The following ABTB2 variants were observed in gnomAD, a reference collection of about 807,000 sequenced individuals.
The protein encoded by ABTB2 is ankyrin repeat and BTB/POZ domain-containing protein 2.
Under a neutral mutation model 104.1 loss-of-function variants are expected in ABTB2, and 56 were observed. The observed-to-expected ratio is 0.54, with a 90% CI of 0.43 to 0.67. The LOEUF (loss-of-function observed/expected upper bound fraction) is 0.67. ABTB2 is among the 30% of genes least tolerant of loss of function. The pLI, the probability that ABTB2 is intolerant of heterozygous loss-of-function variation, is 0.00. For missense variants in ABTB2, 1,279 were observed against 1,407.7 expected, an observed-to-expected ratio of 0.91 and a Z score of 1.46; for synonymous variants, 606 against 608.2, an observed-to-expected ratio of 1.00 and a Z score of 0.05.
intron 1 of ABTB2, among the ~76,000 whole-genome samples, chr11:34,266,159 C>T (rs530390151): frequency 1.4e-3 from 207 of 152,240 alleles, no homozygotes; most frequent in African/African-American, 4.7e-3. Context: ...CATAGCTCAT[C>T]GTAACCTCAA....
intron 1 of ABTB2, among the ~76,000 whole-genome samples, chr11:34,354,459 A>G (rs994031678): frequency 1.5e-5 from 2 of 133,722 alleles, no homozygotes; most frequent in Non-Finnish European, 1.5e-5. Flanking sequence ...CCCTGTCTCT[A>G]TTTAAAAAAA....
intron 1 of ABTB2, among the ~76,000 whole-genome samples, chr11:34,273,116 T>G (rs999142087): frequency 6.6e-6 from 1 of 152,124 alleles, no homozygotes; most frequent in Non-Finnish European, 1.5e-5. Flanking sequence ...TTTTTTAAAT[T>G]TTTTGTTATA....
chr11:34,160,462 G>T, intron 11 of ABTB2, 109 bp from the exon 12 acceptor site: 1 of 743,726 alleles, frequency 1.3e-6, no homozygotes, highest in Non-Finnish European at 2.3e-6. Context: ...TAGTGCAGCC[G>T]CTATCTTTTG....
chr11:34,165,379 G>C, intron 7 of ABTB2, 23 bp from the exon 8 acceptor site: 1 of 1,570,134 alleles, frequency 6.4e-7, no homozygotes, highest in East Asian at 2.4e-5. Flanking sequence ...CAGAGGAGGA[G>C]GGCACTGCTC....
chr11:34,191,744 G>C (rs1238555722), intron 3 of ABTB2, among the ~76,000 whole-genome samples: 1 of 152,158 alleles, frequency 6.6e-6, no homozygotes, highest in African/African-American at 2.4e-5. Flanking sequence ...CTGCACCAAT[G>C]GGGGCAGGAC....
Position 34,159,326 on chromosome 11 carries a change from C to T in ABTB2, c.2667G>A (p.Glu889=). The part of the protein sequence containing the change: ...EQDGDSSKTI[E]ISDMKYHIFQ... ...AAATGTGGTACTTCATGTCGCTGAT[C>T]TCGATGGTCTTGCTGCTGTCCCCAT... The change falls in exon 14 of 17, where the codon GAG becomes GAA. Residue 889 remains glutamate, a synonymous_variant. Coordinates refer to ENST00000435224, the MANE Select transcript of ABTB2 (RefSeq NM_145804.3). 1 of 1,614,026 alleles carries T rather than the reference C, an allele frequency of 6.2e-7. No individual in the cohort carries two copies.
chr11:34,241,821 G>A (rs1391251709), intron 1 of ABTB2, among the ~76,000 whole-genome samples: 1 of 152,188 alleles, frequency 6.6e-6, no homozygotes. Flanking sequence ...ACATGTAAAT[G>A]TTTCCCCCCT....
At position 34,275,090 on chromosome 11, in the gene ABTB2, A is replaced by G. The variant is rs558329566; in HGVS notation, c.884-70400T>C. Among the ~76,000 whole-genome samples the G allele has an allele frequency of 2.1e-3, 327 of 152,224 alleles. 1 individual carries two copies. Among genetic ancestry groups the G allele is most frequent in the African/African-American group, 7.5e-3 (311 of 41,528 alleles). ...TCATTCAGCTCCCTGCATCTTGACT[A>G]TTTCTGAGGTAAACTGTGGGGACCT... On this transcript the variant is annotated intron_variant, in intron 1 of 16. Transcript: ENST00000435224.
At chr11:34,186,003 G>T (rs1023191982) in intron 3 of ABTB2, among the ~76,000 whole-genome samples, 1 of 152,224 alleles carries the variant, frequency 6.6e-6, no homozygotes, top group Admixed American at 6.5e-5. Flanking sequence ...CACCCTGGGG[G>T]TCTTTCAGGA....
chr11:34,244,416 A>G (rs1475809969), intron 1 of ABTB2, among the ~76,000 whole-genome samples: 1 of 152,206 alleles, frequency 6.6e-6, no homozygotes, highest in African/African-American at 2.4e-5. Context: ...CATTTTTAGC[A>G]TGTGACTAGA....
At chr11:34,326,352 G>A (rs1249307046) in intron 1 of ABTB2, among the ~76,000 whole-genome samples, 1 of 152,174 alleles carries the variant, frequency 6.6e-6, no homozygotes, top group Non-Finnish European at 1.5e-5. Flanking sequence ...GCCAGGTACA[G>A]TGGCTCACAT....
At chr11:34,246,381 C>A (rs921789387) in intron 1 of ABTB2, among the ~76,000 whole-genome samples, 1 of 152,066 alleles carries the variant, frequency 6.6e-6, no homozygotes, top group African/African-American at 2.4e-5. Flanking sequence ...GCAGGTGGAT[C>A]ATCTGAGGTT....
At chr11:34,222,790 T>C (rs1164731207) in intron 1 of ABTB2, among the ~76,000 whole-genome samples, 1 of 152,186 alleles carries the variant, frequency 6.6e-6, no homozygotes, top group Non-Finnish European at 1.5e-5. Flanking sequence ...GAAGGAGTCC[T>C]TGCCTCCCTA....
intron 1 of ABTB2, among the ~76,000 whole-genome samples, chr11:34,274,009 G>A (rs113702014): frequency 0.027 from 3,953 of 148,832 alleles, 145 homozygotes; most frequent in South Asian, 0.16. Context: ...AAAATTAGCC[G>A]GGCACGGTGG....
chr11:34,335,575 C>G, intron 1 of ABTB2: 1 of 1,493,170 alleles, frequency 6.7e-7, no homozygotes, highest in Admixed American at 1.7e-5. Flanking sequence ...TCCACTCTGG[C>G]ACTTTCAAAG....
intron 4 of ABTB2, 84 bp downstream of exon 4, chr11:34,173,071 G>T: frequency 1.3e-6 from 2 of 1,565,716 alleles, no homozygotes; most frequent in Non-Finnish European, 1.7e-6. Flanking sequence ...CCCCCGCCCA[G>T]CCATCTGGGG....
intron 1 of ABTB2, among the ~76,000 whole-genome samples, chr11:34,224,782 T>C (rs1252491433): frequency 6.6e-6 from 1 of 152,198 alleles, no homozygotes; most frequent in African/African-American, 2.4e-5. Context: ...GAAGGCACCA[T>C]TGTCTCTAAT....
rs1244258560 is a variant in ABTB2 at position 34,356,849 on chromosome 11, C to T, written c.735G>A (p.Arg245=). Residue 245 remains arginine, a synonymous_variant, in exon 1 of 17, where the codon AGG becomes AGA. Coordinates refer to ENST00000435224, the MANE Select transcript of ABTB2 (RefSeq NM_145804.3). This position sits in a 1 kb window ranked among gnomAD's most constrained non-coding sequence, Gnocchi z 4.6. The stretch of plus-strand genomic sequence containing the variant: ...CATCAGGGCTGTGGCTGGCCATCAC[C>T]CTGGCCCGGATCTCCTCCACCAGGT... ...MENLVEEIRA[R]VMASHSPDGG... 1.9e-6 allele frequency: 3 copies of T among 1,605,104 alleles called. No homozygotes were observed. The highest frequency in any genetic ancestry group is 2.7e-5 in the African/African-American group (2 of 74,788).
intron 1 of ABTB2, among the ~76,000 whole-genome samples, chr11:34,336,339 A>G (rs1855192928): frequency 6.6e-6 from 1 of 152,210 alleles, no homozygotes; most frequent in Non-Finnish European, 1.5e-5. Context: ...AAAAACAAAT[A>G]GGTTGAGGTA....
Sources: allele counts gnomAD v4.1 joint callset (sites outside exome capture counted in the v4.1 genomes callset), GRCh38; gene constraint gnomAD v4.1.1; non-coding constraint Gnocchi (gnomAD v3.1); transcripts MANE v1.5; gene names NCBI Gene and HGNC (gene_info 2026-07-23, HGNC 2026-07-21).